NRXN1: variants seen among roughly 807,000 people sequenced by gnomAD.
NRXN1 encodes neurexin 1, also known as neurexin-1.
In NRXN1, 39 loss-of-function variants were observed where a neutral mutation model predicts 150.9. The ratio of observed to expected loss-of-function variants is 0.26; its 90% CI spans 0.20 to 0.34. NRXN1 has a LOEUF of 0.34. Among genes scored for constraint, NRXN1 ranks in the 10% least tolerant of loss-of-function variants. NRXN1 has a pLI of 1.00. For synonymous variants in NRXN1, 924 were observed against 757.0 expected (o/e 1.22, Z -3.62); for missense variants, 1,815 against 1,949.9 (o/e 0.93, Z 1.30).
At chr2:50,973,410 G>C (rs942998797) in intron 2 of NRXN1, among the ~76,000 whole-genome samples, 11 of 152,048 alleles carry the variant, frequency 7.2e-5, no homozygotes, top group Non-Finnish European at 2.9e-5. Flanking sequence ...TCTATATATG[G>C]TTCTCATTTG....
chr2:50,413,644 T>C (rs2083340678), intron 17 of NRXN1, among the ~76,000 whole-genome samples: 1 of 152,038 alleles, frequency 6.6e-6, no homozygotes, highest in Non-Finnish European at 1.5e-5. Context: ...AAACTAAAGA[T>C]TGAGCTACCA....
chr2:50,826,286 C>A lies in NRXN1; in HGVS notation c.832+95583G>T, dbSNP rs182278111. 8.6e-5 allele frequency among the ~76,000 whole-genome samples: 13 copies of A among 151,888 alleles called. No homozygotes were observed. In the East Asian group the frequency reaches 2.5e-3, roughly 30 times the overall value. On this transcript the variant is annotated intron_variant, in intron 5 of 22. Transcript: ENST00000401669. ...ATGTAATCTTCTGGGGACAGTTTTA[C>A]AAATAAAAGTAAAAACAAGTATGAA...
intron 18 of NRXN1, 76 bp downstream of exon 18, chr2:50,236,713 G>T: frequency 1.4e-6 from 2 of 1,416,026 alleles, no homozygotes; most frequent in South Asian, 1.2e-5. Context: ...AAGCATCCAA[G>T]AAGCAAAATT....
At chr2:50,287,786 A>G (rs932048719) in intron 17 of NRXN1, among the ~76,000 whole-genome samples, 1 of 152,180 alleles carries the variant, frequency 6.6e-6, no homozygotes, top group Admixed American at 6.5e-5. Context: ...TTAATTTCCC[A>G]TATGTTGCAG....
chr2:50,206,843 C>T (rs888964073), intron 18 of NRXN1, among the ~76,000 whole-genome samples: 3 of 149,876 alleles, frequency 2.0e-5, no homozygotes, highest in South Asian at 2.1e-4. Context: ...ATTACACAAA[C>T]AATGTGTGTG....
intron 17 of NRXN1, among the ~76,000 whole-genome samples, chr2:50,270,277 C>T (rs150331724): frequency 1.9e-4 from 29 of 152,172 alleles, no homozygotes; most frequent in African/African-American, 4.3e-4. Flanking sequence ...GTAACATGAG[C>T]GTGGGGAAAG....
intron 8 of NRXN1, among the ~76,000 whole-genome samples, chr2:50,597,787 A>G (rs1675478674): frequency 6.6e-6 from 1 of 152,112 alleles, no homozygotes; most frequent in South Asian, 2.1e-4. Flanking sequence ...TAAATGAGTG[A>G]GTCTAAAAAA....
chr2:50,858,611 G>T (rs1323488995), intron 5 of NRXN1, among the ~76,000 whole-genome samples: 1 of 151,932 alleles, frequency 6.6e-6, no homozygotes, highest in Non-Finnish European at 1.5e-5. Flanking sequence ...AAGCAATGAA[G>T]CTATGCTTCT....
intron 5 of NRXN1, among the ~76,000 whole-genome samples, chr2:50,663,212 T>C (rs1456366244): frequency 1.3e-5 from 2 of 152,034 alleles, no homozygotes; most frequent in Non-Finnish European, 1.5e-5. Flanking sequence ...ACTATACATA[T>C]TTTTTCTGCC....
rs1574019518 is a variant in NRXN1, at chr2:50,120,092, A to T, written c.3547-28598T>A. Among the ~76,000 whole-genome samples the T allele has an allele frequency of 4.6e-5, 7 of 152,290 alleles. 1 individual carries two copies. Among genetic ancestry groups the T allele is most frequent in the Admixed American group, 4.6e-4 (7 of 15,288 alleles). On this transcript the variant is annotated intron_variant, in intron 18 of 22. Coordinates refer to ENST00000401669, the MANE Select transcript of NRXN1 (RefSeq NM_001330078.2). ...TTGTTAATCAAAAAGCCAATAATAA[A>T]AAGGCAAATTAAAAGGCAATTTAAT...
chr2:50,205,203 A>G (rs576989325), intron 18 of NRXN1, among the ~76,000 whole-genome samples: 1 of 152,228 alleles, frequency 6.6e-6, no homozygotes, highest in Admixed American at 6.5e-5. Context: ...CTAATATATC[A>G]TGTGGCCTTG....
At chr2:50,816,999 A>G (rs1669027956) in intron 5 of NRXN1, among the ~76,000 whole-genome samples, 1 of 152,060 alleles carries the variant, frequency 6.6e-6, no homozygotes, top group African/African-American at 2.4e-5. Flanking sequence ...TAAATTACAC[A>G]GGGCTCTCGG....
rs747910295 is a variant in NRXN1 at position 50,506,621 on chromosome 2, T to C, written c.2375-4A>G. 5.6e-6 allele frequency: 9 copies of C among 1,612,756 alleles called. No homozygotes were observed. The Admixed American group carries it at 1.3e-4, about 24-fold the overall frequency. ...AAAAGAGTCTCGGGACCTTTGCCTGTAGAATATGCCAAACAGTCATTATGG... is the reference window on the plus strand; with the variant it reads ...AAAAGAGTCTCGGGACCTTTGCCTGCAGAATATGCCAAACAGTCATTATGG... On this transcript the variant is annotated splice_polypyrimidine_tract_variant and splice_region_variant and intron_variant, in intron 12 of 22. Coordinates refer to ENST00000401669, the MANE Select transcript of NRXN1 (RefSeq NM_001330078.2).
chr2:50,474,683 C>CAAAAAAAAAAAAAAAAAAAA (rs754558377), intron 15 of NRXN1, among the ~76,000 whole-genome samples: 1 of 54,992 alleles, frequency 1.8e-5, no homozygotes. Flanking sequence ...ACAGAAATAG[C>CAAAAAAAAAAAAAAAAAAAA]AAAAAAAAAA....
chr2:51,008,530 C>A (rs1401271486), intron 2 of NRXN1, among the ~76,000 whole-genome samples: 1 of 151,852 alleles, frequency 6.6e-6, no homozygotes, highest in African/African-American at 2.4e-5. Context: ...TTGATCACTG[C>A]AGGGTATGGC....
chr2:50,705,604 T>C (rs1363664976), intron 5 of NRXN1, among the ~76,000 whole-genome samples: 1 of 152,220 alleles, frequency 6.6e-6, no homozygotes, highest in Non-Finnish European at 1.5e-5. Flanking sequence ...AGTTGGATTA[T>C]TTCCAACCTC....
At chr2:50,382,785 G>A (rs1818714) in intron 17 of NRXN1, among the ~76,000 whole-genome samples, 31,491 of 152,012 alleles carry the variant, frequency 0.21, 3,898 homozygotes, top group East Asian at 0.43. Flanking sequence ...ACAGACATAC[G>A]GTGAATGTCA....
At chr2:50,629,058 T>C (rs1196416902) in intron 5 of NRXN1, among the ~76,000 whole-genome samples, 3 of 151,752 alleles carry the variant, frequency 2.0e-5, no homozygotes, top group Admixed American at 1.3e-4. Flanking sequence ...TGTGAAATTG[T>C]TTGGCATTCT....
At chr2:50,633,526 T>G (rs1172382493) in intron 5 of NRXN1, among the ~76,000 whole-genome samples, 4 of 151,926 alleles carry the variant, frequency 2.6e-5, no homozygotes, top group Middle Eastern at 3.4e-3. Context: ...GTTTTGTTTT[T>G]TTTTTCAGAT....
Sources: gnomAD v4.1 joint callset for allele counts (sites outside exome capture counted in the v4.1 genomes callset) on GRCh38, gnomAD v4.1.1 for gene constraint, MANE v1.5 for transcripts, NCBI Gene and HGNC (gene_info 2026-07-23, HGNC 2026-07-21) for gene names.